The following CASD1 variants were observed in gnomAD, a reference collection of about 807,000 sequenced individuals.
CASD1 encodes the protein N-acetylneuraminate (7)9-O-acetyltransferase.
Under a neutral mutation model 100.0 loss-of-function variants are expected in CASD1, and 41 were observed. The observed-to-expected ratio is 0.41, with a 90% CI of 0.32 to 0.53. CASD1 has a LOEUF of 0.53. Among genes scored for constraint, CASD1 ranks in the 20% least tolerant of loss-of-function variants. The pLI, the probability that CASD1 is intolerant of heterozygous loss-of-function variation, is 0.25. For synonymous variants in CASD1, 321 were observed against 315.6 expected (o/e 1.02, Z -0.18); for missense variants, 774 against 948.7 (o/e 0.82, Z 2.42).
chr7:94,562,519 T>C, the CASD1 span, among the ~76,000 whole-genome samples: 97 of 152,316 alleles, frequency 6.4e-4, no homozygotes, highest in Middle Eastern at 3.4e-3. Context: ...GCTCACGAAA[T>C]GTCCCTATAA....
chr7:94,544,682 G>A (rs1229074737), intron 11 of CASD1, 152 bp downstream of exon 11: 1 of 722,100 alleles, frequency 1.4e-6, no homozygotes, highest in Non-Finnish European at 2.0e-6. Context: ...TGTGTTCTGT[G>A]TTTAGTATTT....
chr7:94,630,027 G>A, the CASD1 span: 1 of 594,328 alleles, frequency 1.7e-6, no homozygotes, highest in Non-Finnish European at 2.8e-6. Flanking sequence ...AGGACAAAAT[G>A]GGAAAAAATT....
chr7:94,625,830 G>A, the CASD1 span: 1 of 151,986 alleles, frequency 6.6e-6, no homozygotes, highest in African/African-American at 2.4e-5. Context: ...CCAGTGTTGT[G>A]CTATACAAAT....
chr7:94,572,471 C>T, the CASD1 span, among the ~76,000 whole-genome samples: 1 of 152,156 alleles, frequency 6.6e-6, no homozygotes, highest in African/African-American at 2.4e-5. Context: ...CATCATTTCT[C>T]TAATGATCAG....
chr7:94,510,839 T>A (rs1413867435), intron 1 of CASD1, among the ~76,000 whole-genome samples: 3 of 152,274 alleles, frequency 2.0e-5, no homozygotes, highest in African/African-American at 2.4e-5. Flanking sequence ...GCTTTTGTGA[T>A]GCAGAAACGT....
intron 7 of CASD1, among the ~76,000 whole-genome samples, chr7:94,534,207 C>G (rs1310373314): frequency 8.4e-6 from 1 of 119,068 alleles, no homozygotes; most frequent in Non-Finnish European, 1.7e-5. Context: ...TGCTCTCTTT[C>G]CCAGGTTGGA....
chr7:94,612,901 T>C, the CASD1 span, among the ~76,000 whole-genome samples: 1 of 152,140 alleles, frequency 6.6e-6, no homozygotes, highest in African/African-American at 2.4e-5. Flanking sequence ...ATTCAATCCA[T>C]CATCAGTCTC....
Position 94,549,678 on chromosome 7 carries a change from G to A in CASD1, c.1815+44G>A, listed in dbSNP as rs1277573121. On this transcript the variant is annotated intron_variant, in intron 14 of 17. Transcript: ENST00000297273. The stretch of plus-strand genomic sequence containing the variant: ...ATATTTTGTCATTTCAAATTATACT[G>A]TTGGAAAATGATTGGAAATTTTTGA... 18 of 1,420,878 alleles carry A rather than the reference G, an allele frequency of 1.3e-5. No individual in the cohort carries two copies. The African/African-American group carries it at 1.6e-4, about 13-fold the overall frequency. The allele number at this position is 1,420,878 out of a possible 1,614,324, so 88.0% of individuals were successfully genotyped here.
At chr7:94,571,040 C>CTTTTTTTTTT in the CASD1 span, among the ~76,000 whole-genome samples, 2 of 138,684 alleles carry the variant, frequency 1.4e-5, no homozygotes, top group African/African-American at 2.7e-5. Flanking sequence ...TTAAATTCTC[C>CTTTTTTTTTT]TTTTTTTTTT....
the CASD1 span, among the ~76,000 whole-genome samples, chr7:94,593,987 A>G: frequency 6.6e-6 from 1 of 152,084 alleles, no homozygotes; most frequent in Non-Finnish European, 1.5e-5. Flanking sequence ...CCATACTCAG[A>G]GCCCCAGAAT....
intron 11 of CASD1, among the ~76,000 whole-genome samples, chr7:94,544,942 T>G (rs1341264998): frequency 6.6e-6 from 1 of 152,122 alleles, no homozygotes; most frequent in African/African-American, 2.4e-5. Flanking sequence ...TATCTTTATA[T>G]TTACAGATGA....
chr7:94,548,388 T>C (rs569477202), intron 13 of CASD1, among the ~76,000 whole-genome samples: 34 of 151,848 alleles, frequency 2.2e-4, no homozygotes, highest in African/African-American at 7.9e-4. Context: ...TAAAATCATA[T>C]ATTTTATCTG....
At chr7:94,565,181 A>C in the CASD1 span, among the ~76,000 whole-genome samples, 1 of 151,994 alleles carries the variant, frequency 6.6e-6, no homozygotes, top group South Asian at 2.1e-4. Context: ...TCTGACACTT[A>C]TGTGCCACTA....
At position 94,528,177 on chromosome 7, in the gene CASD1, T is replaced by A. The variant is rs1225045322; in HGVS notation, c.397-11T>A. On this transcript the variant is annotated splice_polypyrimidine_tract_variant and intron_variant, in intron 4 of 17. Transcript: ENST00000297273. ...TCAACTTTTTCTTTACTTCTAACAT[T>A]TCTCTTTTAGGATTTTCTGTGGCAT... 6.3e-7 allele frequency: 1 copy of A among 1,588,874 alleles called. No homozygotes were observed. Among genetic ancestry groups the A allele is most frequent in the African/African-American group, 1.4e-5 (1 of 74,060 alleles).
the CASD1 span, among the ~76,000 whole-genome samples, chr7:94,564,797 A>G: frequency 2.0e-5 from 3 of 152,196 alleles, no homozygotes; most frequent in Non-Finnish European, 4.4e-5. Context: ...TAACAGCAAC[A>G]ATCACATTAG....
intron 12 of CASD1, among the ~76,000 whole-genome samples, chr7:94,546,256 A>C (rs1795673487): frequency 6.6e-6 from 1 of 152,016 alleles, no homozygotes; most frequent in South Asian, 2.1e-4. Flanking sequence ...CTAAATACCC[A>C]AAAGCTTGTT....
intron 2 of CASD1, 126 bp from the exon 3 acceptor site, chr7:94,518,077 T>A (rs1794067378): frequency 2.2e-6 from 2 of 921,492 alleles, no homozygotes; most frequent in Admixed American, 2.9e-5. Flanking sequence ...CCTGGCCACC[T>A]GCTTATAAAG....
intron 1 of CASD1, among the ~76,000 whole-genome samples, chr7:94,511,978 C>T: frequency 6.6e-6 from 1 of 152,174 alleles, no homozygotes; most frequent in African/African-American, 2.4e-5. Flanking sequence ...GAGTGTGAAG[C>T]ATACACCTGG....
At chr7:94,607,310 A>G in the CASD1 span, among the ~76,000 whole-genome samples, 1 of 152,176 alleles carries the variant, frequency 6.6e-6, no homozygotes, top group African/African-American at 2.4e-5. Context: ...TGAAACCCAA[A>G]TTACCTTAAT....
Sources: gnomAD v4.1 joint callset for allele counts (sites outside exome capture counted in the v4.1 genomes callset) on GRCh38, gnomAD v4.1.1 for gene constraint, MANE v1.5 for transcripts, NCBI Gene and HGNC (gene_info 2026-07-23, HGNC 2026-07-21) for gene names.